IL1RAPL2: variants seen among roughly 807,000 people sequenced by gnomAD.
The protein encoded by IL1RAPL2 is X-linked interleukin-1 receptor accessory protein-like 2.
A neutral mutation model predicts 44.1 loss-of-function variants in IL1RAPL2; 3 were observed. The ratio of observed to expected loss-of-function variants is 0.07; its 90% CI spans 0.03 to 0.18. The LOEUF (loss-of-function observed/expected upper bound fraction) is 0.18. IL1RAPL2 is among the 10% of genes least tolerant of loss of function. IL1RAPL2 has a pLI of 1.00. For synonymous variants in IL1RAPL2, 181 were observed against 178.8 expected, an observed-to-expected ratio of 1.01 and a Z score of -0.10; for missense variants, 391 against 496.4, an observed-to-expected ratio of 0.79 and a Z score of 2.02.
chrX:105,605,124 A>C, intron 6 of IL1RAPL2, among the ~76,000 whole-genome samples: 1 of 111,248 alleles, frequency 9.0e-6, no homozygotes, highest in East Asian at 2.8e-4. Flanking sequence ...AAAGAAAGAA[A>C]GGGCATCCAA....
At chrX:105,702,765 A>C (rs148235294) in intron 6 of IL1RAPL2, among the ~76,000 whole-genome samples, 66 of 111,753 alleles carry the variant, frequency 5.9e-4, no homozygotes, top group African/African-American at 1.9e-3. Context: ...GAGTCTAACA[A>C]TCAGACTTTG....
chrX:105,093,214 CCTCAA>C (rs1414178160), intron 2 of IL1RAPL2, among the ~76,000 whole-genome samples: 40 of 110,177 alleles, frequency 3.6e-4, no homozygotes, highest in Non-Finnish European at 1.7e-4. Flanking sequence ...CACACACACA[CCTCAA>C]CTCACAAAGG....
chrX:104,919,256 G>A lies in IL1RAPL2; in HGVS notation c.82+260261G>A, dbSNP rs754999999. ...TTTTTTTTTTTTAAGATGGTGTTTC[G>A]CTGTTGTCGCCCAGGCTGGAGTGCA... On this transcript the variant is annotated intron_variant, in intron 2 of 10. Transcript: ENST00000372582. 1.9e-4 allele frequency among the ~76,000 whole-genome samples: 20 copies of A among 102,976 alleles called. No individual in the cohort carries two copies. The South Asian group carries it at 2.6e-3, about 14-fold the overall frequency. 89.4% of individuals were successfully genotyped at this position (102,976 alleles called of 115,157 possible).
chrX:105,597,272 C>T (rs756511204), intron 6 of IL1RAPL2, among the ~76,000 whole-genome samples: 5 of 111,775 alleles, frequency 4.5e-5, no homozygotes, highest in Non-Finnish European at 7.5e-5. Context: ...CTCAAAATCA[C>T]GAATCATCAG....
intron 5 of IL1RAPL2, among the ~76,000 whole-genome samples, chrX:105,321,133 G>A (rs918939643): frequency 9.0e-6 from 1 of 111,447 alleles, no homozygotes; most frequent in African/African-American, 3.3e-5. Flanking sequence ...ACACTGAGAT[G>A]GGAGCAAACT....
chrX:104,805,596 T>C (rs1163431470), intron 2 of IL1RAPL2, among the ~76,000 whole-genome samples: 2 of 111,938 alleles, frequency 1.8e-5, no homozygotes, highest in Non-Finnish European at 3.8e-5. Flanking sequence ...TCATGTCACC[T>C]CTCTGCACTG....
intron 2 of IL1RAPL2, among the ~76,000 whole-genome samples, chrX:104,896,864 A>G (rs1923665949): frequency 9.0e-6 from 1 of 111,180 alleles, no homozygotes; most frequent in Non-Finnish European, 1.9e-5. Flanking sequence ...TGAGACCACA[A>G]ACCCACTGAG....
chrX:105,076,910 A>G (rs1463190034), intron 2 of IL1RAPL2, among the ~76,000 whole-genome samples: 1 of 110,406 alleles, frequency 9.1e-6, no homozygotes, highest in Non-Finnish European at 1.9e-5. Context: ...ATCTTCCTCC[A>G]TCCCTTTATT....
chrX:105,069,972 T>C (rs1408360210), intron 2 of IL1RAPL2, among the ~76,000 whole-genome samples: 4 of 112,135 alleles, frequency 3.6e-5, no homozygotes, highest in Non-Finnish European at 7.5e-5. Flanking sequence ...GGGCATAGAA[T>C]GGCTTTTGAT....
At chrX:105,076,544 A>G (rs1291526463) in intron 2 of IL1RAPL2, among the ~76,000 whole-genome samples, 8 of 111,479 alleles carry the variant, frequency 7.2e-5, no homozygotes, top group African/African-American at 2.6e-4. Context: ...AGAGTTCTGT[A>G]GATGTCTATT....
intron 5 of IL1RAPL2, among the ~76,000 whole-genome samples, chrX:105,439,142 A>T (rs1321617631): frequency 9.0e-6 from 1 of 111,471 alleles, no homozygotes; most frequent in Non-Finnish European, 1.9e-5. Context: ...GAGTCAGTTA[A>T]ACCATTTTGT....
intron 5 of IL1RAPL2, among the ~76,000 whole-genome samples, chrX:105,306,965 C>T (rs997614801): frequency 2.7e-5 from 3 of 111,341 alleles, no homozygotes; most frequent in African/African-American, 9.8e-5. Flanking sequence ...AGGAAACTTA[C>T]AATAATGTCA....
intron 2 of IL1RAPL2, among the ~76,000 whole-genome samples, chrX:104,717,971 A>G (rs1931607517): frequency 9.0e-6 from 1 of 111,037 alleles, no homozygotes; most frequent in Non-Finnish European, 1.9e-5. Context: ...TCCATGGTGT[A>G]TATGTGCCAC....
At chrX:105,271,843 C>G (rs1042255866) in intron 5 of IL1RAPL2, among the ~76,000 whole-genome samples, 6 of 107,544 alleles carry the variant, frequency 5.6e-5, no homozygotes, top group Non-Finnish European at 1.2e-4. Flanking sequence ...CTCTGTTTGT[C>G]TGTTGTTGGT....
At chrX:105,183,052 G>A (rs781872149) in intron 2 of IL1RAPL2, among the ~76,000 whole-genome samples, 26 of 111,091 alleles carry the variant, frequency 2.3e-4, no homozygotes, top group Admixed American at 1.3e-3. Context: ...TGGCATCCTC[G>A]GCACTGTGGC....
At chrX:105,494,271 C>CT (rs758565927) in intron 6 of IL1RAPL2, among the ~76,000 whole-genome samples, 4 of 110,984 alleles carry the variant, frequency 3.6e-5, no homozygotes, top group Non-Finnish European at 5.7e-5. Context: ...GTTATAGATG[C>CT]TTTTTAAAGA....
chrX:105,088,240 C>T (rs1396273066), intron 2 of IL1RAPL2, among the ~76,000 whole-genome samples: 2 of 111,536 alleles, frequency 1.8e-5, no homozygotes, highest in Non-Finnish European at 3.8e-5. Context: ...TAAAGGAGTG[C>T]TAGCTAGCTG....
At chrX:104,916,237 TA>T (rs1454825666) in intron 2 of IL1RAPL2, among the ~76,000 whole-genome samples, 1 of 111,802 alleles carries the variant, frequency 8.9e-6, no homozygotes, top group Non-Finnish European at 1.9e-5. Flanking sequence ...TATCCTCTTT[TA>T]TTTCATTGAG....
At chrX:104,938,965 A>G (rs1802136132) in intron 2 of IL1RAPL2, among the ~76,000 whole-genome samples, 1 of 111,571 alleles carries the variant, frequency 9.0e-6, no homozygotes, top group African/African-American at 3.3e-5. Context: ...GTCTTGTACA[A>G]CACTCCACAA....
Sources: gnomAD v4.1 joint callset for allele counts (sites outside exome capture counted in the v4.1 genomes callset) on GRCh38, gnomAD v4.1.1 for gene constraint, MANE v1.5 for transcripts, NCBI Gene and HGNC (gene_info 2026-07-23, HGNC 2026-07-21) for gene names.